The following PALLD variants were observed in gnomAD, a reference collection of about 807,000 sequenced individuals.
PALLD encodes the protein palladin, cytoskeletal associated protein, also known as palladin.
In PALLD, 61 loss-of-function variants were observed where a neutral mutation model predicts 123.5. The observed-to-expected ratio is 0.49, with a 90% CI of 0.40 to 0.61. The LOEUF is 0.61. Among genes scored for constraint, PALLD ranks in the 20% least tolerant of loss-of-function variants. The probability of loss-of-function intolerance (pLI) is 0.00; values close to 1 mark genes in which losing one functional copy is unlikely to be tolerated. For missense variants in PALLD, 1,273 were observed against 1,377.0 expected (o/e 0.92, Z 1.20); for synonymous variants, 465 against 496.4 (o/e 0.94, Z 0.84).
intron 10 of PALLD, among the ~76,000 whole-genome samples, chr4:168,816,501 A>C (rs150821730): frequency 6.6e-6 from 1 of 151,384 alleles, no homozygotes; most frequent in Non-Finnish European, 1.5e-5. Flanking sequence ...CTCTGCCTCT[A>C]TCAGCCAAAT....
intron 2 of PALLD, among the ~76,000 whole-genome samples, chr4:168,610,709 A>G (rs1316964051): frequency 1.3e-5 from 2 of 151,934 alleles, no homozygotes; most frequent in Admixed American, 1.3e-4. Flanking sequence ...TCATGATCCA[A>G]CCACCTTCTG....
intron 13 of PALLD, among the ~76,000 whole-genome samples, chr4:168,896,894 T>C (rs900047172): frequency 2.0e-5 from 3 of 152,104 alleles, no homozygotes; most frequent in Admixed American, 6.5e-5. Flanking sequence ...TGCAATGGTG[T>C]GATCTTGGCT....
At chr4:168,782,186 G>A (rs1240928468) in intron 10 of PALLD, among the ~76,000 whole-genome samples, 1 of 152,212 alleles carries the variant, frequency 6.6e-6, no homozygotes, top group Admixed American at 6.5e-5. Context: ...TGACTGCTGT[G>A]GAACACTGAG....
intron 2 of PALLD, among the ~76,000 whole-genome samples, chr4:168,515,700 G>T (rs1762925537): frequency 6.6e-6 from 1 of 152,166 alleles, no homozygotes; most frequent in Non-Finnish European, 1.5e-5. Context: ...CTGGAACACG[G>T]GGGAGAAACC....
At chr4:168,499,272 A>AAGGGAGGGAGGG (rs1761102335) in intron 1 of PALLD, among the ~76,000 whole-genome samples, 1 of 48,946 alleles carries the variant, frequency 2.0e-5, no homozygotes, top group Non-Finnish European at 3.9e-5. Context: ...GGGAGGGAGG[A>AAGGGAGGGAGGG]TGGGAGGGAG....
chr4:168,517,481 A>G (rs1763101377), intron 2 of PALLD, among the ~76,000 whole-genome samples: 1 of 152,198 alleles, frequency 6.6e-6, no homozygotes, highest in African/African-American at 2.4e-5. Flanking sequence ...AGCATGTCCA[A>G]TGCCTCCAAT....
At chr4:168,507,159 A>AAAAAT (rs1182884695) in intron 1 of PALLD, among the ~76,000 whole-genome samples, 13 of 152,280 alleles carry the variant, frequency 8.5e-5, no homozygotes, top group Middle Eastern at 3.4e-3. Flanking sequence ...ATCAAGCTTA[A>AAAAAT]AAAATAAAAT....
chr4:168,706,335 G>A (rs111352481), intron 8 of PALLD, among the ~76,000 whole-genome samples: 2 of 152,122 alleles, frequency 1.3e-5, no homozygotes, highest in African/African-American at 4.8e-5. Context: ...ATTAATAATA[G>A]AACATAAAGA....
At chr4:168,536,709 C>T (rs772407478) in intron 2 of PALLD, 12 of 152,176 alleles carry the variant, frequency 7.9e-5, no homozygotes, top group South Asian at 2.1e-4. Context: ...AAACGACCTC[C>T]ATGATTCAAT....
intron 10 of PALLD, among the ~76,000 whole-genome samples, chr4:168,843,836 A>AT (rs58526064): frequency 0.027 from 3,962 of 148,124 alleles, 166 homozygotes; most frequent in African/African-American, 0.091. Context: ...CACCTGAGAC[A>AT]TTTCCTGGGC....
intron 2 of PALLD, among the ~76,000 whole-genome samples, chr4:168,654,367 A>G (rs760371473): frequency 7.2e-5 from 11 of 152,092 alleles, no homozygotes; most frequent in African/African-American, 2.4e-5. Flanking sequence ...GCATTGTGAG[A>G]TCACAGTTGC....
At chr4:168,629,704 G>A (rs62333861) in intron 2 of PALLD, among the ~76,000 whole-genome samples, 9,913 of 151,208 alleles carry the variant, frequency 0.066, 458 homozygotes, top group Non-Finnish European at 0.095. Context: ...ACCCCAAAAC[G>A]CCACAAACCG....
chr4:168,790,911 C>T lies in PALLD; in HGVS notation c.1964+78988C>T, dbSNP rs141682137. 2.0e-3 allele frequency among the ~76,000 whole-genome samples: 308 copies of T among 152,302 alleles called. 1 individual carries two copies. Among genetic ancestry groups the T allele is most frequent in the African/African-American group, 7.0e-3 (289 of 41,572 alleles). The stretch of plus-strand genomic sequence containing the variant: ...AGATTTGACATCTTTAGATCACTGA[C>T]TCTTACCACCCATGAAAATGACTCT... On this transcript the variant is annotated intron_variant, in intron 10 of 21. Coordinates refer to ENST00000505667, the MANE Select transcript of PALLD (RefSeq NM_001166108.2).
At chr4:168,715,271 C>T (rs1483510853) in intron 10 of PALLD, among the ~76,000 whole-genome samples, 3 of 152,174 alleles carry the variant, frequency 2.0e-5, no homozygotes, top group African/African-American at 4.8e-5. Flanking sequence ...TAACACTCTC[C>T]CTCAAGTGTA....
chr4:168,719,424 A>AT (rs747395507), intron 10 of PALLD, among the ~76,000 whole-genome samples: 6 of 149,854 alleles, frequency 4.0e-5, no homozygotes, highest in African/African-American at 1.5e-4. Flanking sequence ...TGCCTGGCTA[A>AT]TTTTTTTGTA....
chr4:168,551,765 G>A (rs964818957), intron 2 of PALLD, among the ~76,000 whole-genome samples: 2 of 151,958 alleles, frequency 1.3e-5, no homozygotes, highest in Admixed American at 1.3e-4. Context: ...TGGCTTGGAG[G>A]TAGCAAACCA....
chr4:168,799,956 G>A (rs1023562948), intron 10 of PALLD, among the ~76,000 whole-genome samples: 3 of 152,076 alleles, frequency 2.0e-5, no homozygotes, highest in African/African-American at 7.2e-5. Flanking sequence ...ATTTTTACAT[G>A]AGGGCCTATC....
rs1387241472 is a variant in PALLD, at chr4:168,927,204, AAGGAGTAGGG to A, written c.*1030_*1039del. 2 of 230,862 alleles carry A rather than the reference AAGGAGTAGGG, an allele frequency of 8.7e-6. No individual in the cohort carries two copies. The highest frequency in any genetic ancestry group is 4.4e-5 in the African/African-American group (2 of 45,202). 14.3% of individuals were successfully genotyped at this position (230,862 alleles called of 1,614,324 possible). On this transcript the variant is annotated 3_prime_UTR_variant, in exon 22 of 22. Transcript: ENST00000505667. ...GTATTTGGAGGAATCAGGGGTTTGG[AAGGAGTAGGG>A]AGGAGAATGAAGGAAAATGCAACCA...
At chr4:168,505,939 T>C (rs1761957060) in intron 1 of PALLD, 1 of 152,232 alleles carries the variant, frequency 6.6e-6, no homozygotes, top group Non-Finnish European at 1.5e-5. Context: ...ACTACTCAAC[T>C]CTGACATTGG....
Sources: gnomAD v4.1 joint callset for allele counts (sites outside exome capture counted in the v4.1 genomes callset) on GRCh38, gnomAD v4.1.1 for gene constraint, MANE v1.5 for transcripts, NCBI Gene and HGNC (gene_info 2026-07-23, HGNC 2026-07-21) for gene names.